The following ASAP1 variants were observed in gnomAD, a reference collection of about 807,000 sequenced individuals.
ASAP1 encodes ArfGAP with SH3 domain, ankyrin repeat and PH domain 1.
Under a neutral mutation model 145.2 loss-of-function variants are expected in ASAP1, and 43 were observed. The ratio of observed to expected loss-of-function variants is 0.30; its 90% CI spans 0.23 to 0.38. ASAP1 has a LOEUF of 0.38. Ranked by LOEUF, ASAP1 falls within the 10% of genes least tolerant of loss-of-function variation. ASAP1 has a pLI of 1.00. For synonymous variants in ASAP1, 546 were observed against 515.5 expected, an observed-to-expected ratio of 1.06 and a Z score of -0.80; for missense variants, 1,018 against 1,355.3, an observed-to-expected ratio of 0.75 and a Z score of 3.91.
rs184812619 is a variant in ASAP1, at chr8:130,119,496, T to C, written c.1608-821A>G. On this transcript the variant is annotated intron_variant, in intron 18 of 29. Transcript: ENST00000518721. ...TGTTTCTGGTGGGACTGAGCTCACC[T>C]CCCAGCCACAGGGGTGAGTAAATGA... 3.5e-3 allele frequency among the ~76,000 whole-genome samples: 533 copies of C among 152,240 alleles called. 5 individuals carry two copies. Among genetic ancestry groups the C allele is most frequent in the Non-Finnish European group, 6.0e-3 (407 of 68,018 alleles).
chr8:130,382,209 C>T (rs888009393), intron 2 of ASAP1, among the ~76,000 whole-genome samples: 11 of 148,640 alleles, frequency 7.4e-5, no homozygotes, highest in African/African-American at 2.5e-4. Flanking sequence ...TGGTGTGAAC[C>T]CAGGAGGCGG....
chr8:130,193,140 G>A (rs1027314644), intron 5 of ASAP1, among the ~76,000 whole-genome samples: 4 of 152,130 alleles, frequency 2.6e-5, no homozygotes, highest in African/African-American at 7.2e-5. Flanking sequence ...AGGCCGAGGC[G>A]GGCGAATCAC....
intron 4 of ASAP1, among the ~76,000 whole-genome samples, chr8:130,219,412 C>G (rs1186638237): frequency 6.6e-6 from 1 of 152,002 alleles, no homozygotes; most frequent in East Asian, 1.9e-4. Flanking sequence ...CTGCAGAGTA[C>G]AGTAAGCCAT....
At chr8:130,121,584 C>G (rs1021930199) in intron 18 of ASAP1, among the ~76,000 whole-genome samples, 1 of 151,880 alleles carries the variant, frequency 6.6e-6, no homozygotes, top group Non-Finnish European at 1.5e-5. Context: ...GAGTTTGAGA[C>G]CAGCCTGATC....
intron 3 of ASAP1, among the ~76,000 whole-genome samples, chr8:130,344,542 C>T (rs778717375): frequency 6.6e-6 from 1 of 152,264 alleles, no homozygotes; most frequent in African/African-American, 2.4e-5. Context: ...AGTTACATGT[C>T]GCTCTGCTAT....
intron 3 of ASAP1, among the ~76,000 whole-genome samples, chr8:130,355,406 G>A (rs1310629146): frequency 6.6e-6 from 1 of 152,170 alleles, no homozygotes; most frequent in African/African-American, 2.4e-5. Flanking sequence ...TCAACAGGAA[G>A]GTACTTACTA....
chr8:130,118,816 C>A (rs2097560690), intron 18 of ASAP1, 141 bp from the exon 19 acceptor site: 1 of 493,766 alleles, frequency 2.0e-6, no homozygotes, highest in Non-Finnish European at 3.4e-6. Context: ...AGGTTTTAGA[C>A]CAAATTACTC....
intron 3 of ASAP1, among the ~76,000 whole-genome samples, chr8:130,279,094 G>A (rs1037580506): frequency 2.0e-5 from 3 of 152,266 alleles, no homozygotes; most frequent in Non-Finnish European, 4.4e-5. Flanking sequence ...TGGTCCCTCT[G>A]CTTGGCAGGT....
chr8:130,412,691 A>G (rs537613883), intron 1 of ASAP1, among the ~76,000 whole-genome samples: 1 of 149,570 alleles, frequency 6.7e-6, no homozygotes, highest in South Asian at 2.1e-4. Flanking sequence ...TTGCTTTGTC[A>G]CCCAGACTAG....
intron 3 of ASAP1, among the ~76,000 whole-genome samples, chr8:130,283,587 GAAAAAAAAAAAAA>G (rs71304303): frequency 1.4e-4 from 3 of 20,882 alleles, no homozygotes; most frequent in South Asian, 3.4e-3. Context: ...ATCACAGAAA[GAAAAAAAAAAAAA>G]AAAAAAAAAA....
At chr8:130,182,169 G>A (rs1814399007) in intron 7 of ASAP1, among the ~76,000 whole-genome samples, 1 of 152,222 alleles carries the variant, frequency 6.6e-6, no homozygotes, top group Non-Finnish European at 1.5e-5. Flanking sequence ...AAGAAATATG[G>A]AGGGACAGGC....
intron 2 of ASAP1, among the ~76,000 whole-genome samples, chr8:130,378,611 T>C (rs1050867930): frequency 6.6e-6 from 1 of 152,182 alleles, no homozygotes; most frequent in Non-Finnish European, 1.5e-5. Context: ...AGACCTTGGA[T>C]GTCATGTCAA....
rs139406476 is a variant in ASAP1, at chr8:130,206,463, A to C, written c.405+8093T>G. On this transcript the variant is annotated intron_variant, in intron 5 of 29. Coordinates refer to ENST00000518721, the MANE Select transcript of ASAP1 (RefSeq NM_018482.4). The stretch of plus-strand genomic sequence containing the variant: ...AAGAAAAGAAGAAAAATAAAAAAAA[A>C]AACAACTTTAACACAAACCACAATA... 1.2e-3 allele frequency among the ~76,000 whole-genome samples: 185 copies of C among 152,260 alleles called. 1 individual carries two copies. Among genetic ancestry groups the C allele is most frequent in the African/African-American group, 4.1e-3 (172 of 41,548 alleles).
At chr8:130,313,157 G>A (rs1823461105) in intron 3 of ASAP1, among the ~76,000 whole-genome samples, 1 of 152,126 alleles carries the variant, frequency 6.6e-6, no homozygotes, top group Non-Finnish European at 1.5e-5. Context: ...AATGGAAGGA[G>A]GTGGTGGATG....
At chr8:130,166,910 C>T (rs369571236) in intron 11 of ASAP1, among the ~76,000 whole-genome samples, 1 of 152,146 alleles carries the variant, frequency 6.6e-6, no homozygotes, top group Non-Finnish European at 1.5e-5. Context: ...GTTTTGGCTG[C>T]CCAGAAAGAC....
intron 24 of ASAP1, among the ~76,000 whole-genome samples, chr8:130,102,245 G>A (rs1224782456): frequency 1.3e-5 from 2 of 152,114 alleles, no homozygotes; most frequent in African/African-American, 4.8e-5. Flanking sequence ...GTCACATACG[G>A]CCTTTATTAT....
chr8:130,300,184 A>AGAGAGAGAGAGAGAGAGAGCGAGC (rs761456724), intron 3 of ASAP1, among the ~76,000 whole-genome samples: 1 of 140,368 alleles, frequency 7.1e-6, no homozygotes, highest in African/African-American at 2.8e-5. Context: ...AGAGAGAGAG[A>AGAGAGAGAGAGAGAGAGAGCGAGC]GAGCGAGCGA....
chr8:130,226,208 C>T (rs1817577557), intron 4 of ASAP1, among the ~76,000 whole-genome samples: 1 of 152,038 alleles, frequency 6.6e-6, no homozygotes, highest in African/African-American at 2.4e-5. Flanking sequence ...TGGCTCAGAT[C>T]CTTTTTGCCA....
chr8:130,433,781 C>A (rs1830215768), intron 1 of ASAP1, among the ~76,000 whole-genome samples: 2 of 152,306 alleles, frequency 1.3e-5, no homozygotes, highest in East Asian at 3.9e-4. Flanking sequence ...GCCAGGCACT[C>A]GCTTAGCCAC....
Sources: allele counts gnomAD v4.1 joint callset (sites outside exome capture counted in the v4.1 genomes callset), GRCh38; gene constraint gnomAD v4.1.1; transcripts MANE v1.5; gene names NCBI Gene and HGNC (gene_info 2026-07-23, HGNC 2026-07-21).